Variants in BMP8A observed in about 807,000 individuals in gnomAD.
BMP8A encodes bone morphogenetic protein 8a, also known as BMP-8A.
In BMP8A, 14 loss-of-function variants were observed where a neutral mutation model predicts 36.8. The ratio of observed to expected loss-of-function variants is 0.38; its 90% CI spans 0.25 to 0.60. The LOEUF is 0.60. Ranked by LOEUF, BMP8A falls within the 20% of genes least tolerant of loss-of-function variation. BMP8A has a pLI of 0.63. For missense variants in BMP8A, 267 were observed against 551.1 expected, an observed-to-expected ratio of 0.48 and a Z score of 5.16; for synonymous variants, 120 against 237.7, an observed-to-expected ratio of 0.50 and a Z score of 4.55.
intron 3 of BMP8A, chr1:39,515,772 T>A: frequency 2.5e-6 from 4 of 1,592,466 alleles, no homozygotes; most frequent in Non-Finnish European, 3.4e-6. Context: ...GAGAAACGAA[T>A]TGAGCGCTTA....
chr1:39,510,879 C>T (rs1392942806), intron 1 of BMP8A, among the ~76,000 whole-genome samples: 1 of 152,206 alleles, frequency 6.6e-6, no homozygotes, highest in Non-Finnish European at 1.5e-5. Context: ...CAGGACCAGC[C>T]GGGCCAAGAA....
At chr1:39,501,730 T>C (rs1299252900) in intron 1 of BMP8A, among the ~76,000 whole-genome samples, 2 of 152,136 alleles carry the variant, frequency 1.3e-5, no homozygotes, top group Non-Finnish European at 2.9e-5. Flanking sequence ...CCCAAAGTGA[T>C]GGGGTTACAG....
rs540229016 is a variant in BMP8A at position 39,494,357 on chromosome 1, T to C, written c.334+2032T>C. Among the ~76,000 whole-genome samples the C allele has an allele frequency of 3.0e-3, 453 of 151,416 alleles. 1 individual carries two copies. The highest frequency in any genetic ancestry group is 5.0e-3 in the Non-Finnish European group (339 of 67,826). ...TTCTTTCTTTTTTCTTTTTTCTTTTTTTTTTTTTTAAGAGGCAGGGTTTCA... is the reference window on the plus strand; with the variant it reads ...TTCTTTCTTTTTTCTTTTTTCTTTTCTTTTTTTTTAAGAGGCAGGGTTTCA... On this transcript the variant is annotated intron_variant, in intron 1 of 6. Coordinates refer to ENST00000331593, the MANE Select transcript of BMP8A (RefSeq NM_181809.4).
chr1:39,516,063 T>C, intron 3 of BMP8A: 1 of 877,146 alleles, frequency 1.1e-6, no homozygotes, highest in Non-Finnish European at 1.7e-6. Context: ...GGGGGCTGCT[T>C]CTTCGCCAGC....
intron 6 of BMP8A, among the ~76,000 whole-genome samples, 174 bp downstream of exon 6, chr1:39,523,291 C>T (rs1645448423): frequency 6.6e-6 from 1 of 152,194 alleles, no homozygotes; most frequent in Admixed American, 6.5e-5. Flanking sequence ...AACTGGTCCT[C>T]ATACAGCCAC....
At chr1:39,497,446 TG>T (rs1645215111) in intron 1 of BMP8A, among the ~76,000 whole-genome samples, 1 of 152,162 alleles carries the variant, frequency 6.6e-6, no homozygotes, top group Admixed American at 6.5e-5. Flanking sequence ...TCTGCACCAT[TG>T]CTCGTTGGGT....
chr1:39,522,756 T>G (rs1645440609), intron 5 of BMP8A, among the ~76,000 whole-genome samples: 1 of 151,674 alleles, frequency 6.6e-6, no homozygotes, highest in Non-Finnish European at 1.5e-5. Flanking sequence ...CTCCCTGCAT[T>G]GGCTACGACT....
chr1:39,492,367 G>T (rs755451693), intron 1 of BMP8A, 42 bp downstream of exon 1: 82 of 1,480,652 alleles, frequency 5.5e-5, no homozygotes, highest in Non-Finnish European at 6.8e-5. Flanking sequence ...GAGTAAGCTG[G>T]CTGCAGGGGA....
chr1:39,526,063 C>G lies in BMP8A; in HGVS notation c.*265C>G, dbSNP rs1570321297. On this transcript the variant is annotated 3_prime_UTR_variant, in exon 7 of 7. Transcript: ENST00000331593. ...CTGTGCTGACTGCACTGTCTGGAGT[C>G]AGCACAGAAGTCCTATCTTAGGACC... The G allele has an allele frequency of 3.2e-5, 12 of 379,494 alleles. No homozygotes were observed. The highest frequency in any genetic ancestry group is 7.6e-4 in the Middle Eastern group (1 of 1,312). The allele number at this position is 379,494 out of a possible 1,614,324, so 23.5% of individuals were successfully genotyped here.
intron 1 of BMP8A, among the ~76,000 whole-genome samples, chr1:39,509,026 G>T (rs1482235425): frequency 6.6e-6 from 1 of 152,144 alleles, no homozygotes; most frequent in Non-Finnish European, 1.5e-5. Flanking sequence ...GCCACAGCAC[G>T]GGCGTCCCCA....
intron 3 of BMP8A, chr1:39,516,106 C>T: frequency 1.5e-6 from 1 of 671,390 alleles, no homozygotes; most frequent in African/African-American, 2.4e-5. Flanking sequence ...GAGGGGGACA[C>T]ATCCAACTAA....
chr1:39,508,083 C>T (rs1390166985), intron 1 of BMP8A, among the ~76,000 whole-genome samples: 9 of 152,124 alleles, frequency 5.9e-5, no homozygotes, highest in Non-Finnish European at 1.0e-4. Flanking sequence ...AACCCTGTCT[C>T]TACTAAAAAT....
At chr1:39,523,626 G>T in intron 6 of BMP8A, 3 of 1,442,434 alleles carry the variant, frequency 2.1e-6, no homozygotes, top group South Asian at 1.4e-5. Context: ...GCTTTTTCCC[G>T]CAGTTTCTCT....
chr1:39,494,014 C>T (rs942117585), intron 1 of BMP8A, among the ~76,000 whole-genome samples: 4 of 152,244 alleles, frequency 2.6e-5, no homozygotes, highest in African/African-American at 4.8e-5. Context: ...AGTTCCTCAC[C>T]TTCTCAGCCT....
intron 6 of BMP8A, chr1:39,523,581 G>A (rs560340917): frequency 1.4e-6 from 2 of 1,405,820 alleles, no homozygotes; most frequent in Non-Finnish European, 1.9e-6. Flanking sequence ...ACCACAGGCA[G>A]GAAGCTTCTA....
intron 1 of BMP8A, among the ~76,000 whole-genome samples, chr1:39,507,857 G>A (rs1645314976): frequency 6.6e-6 from 1 of 152,206 alleles, no homozygotes; most frequent in Non-Finnish European, 1.5e-5. Context: ...TGGACACTGA[G>A]CCCAGAAGGT....
intron 5 of BMP8A, 142 bp downstream of exon 5, chr1:39,522,624 T>G: frequency 7.9e-7 from 1 of 1,266,522 alleles, no homozygotes; most frequent in Non-Finnish European, 1.1e-6. Context: ...TTTTCTAAAG[T>G]GAGAATATGG....
At chr1:39,517,491 T>G (rs1043855532) in intron 3 of BMP8A, among the ~76,000 whole-genome samples, 33 of 151,758 alleles carry the variant, frequency 2.2e-4, no homozygotes, top group Admixed American at 3.9e-4. Context: ...AATTTTTGTA[T>G]ATATATTTTT....
At chr1:39,498,409 G>C (rs1451236921) in intron 1 of BMP8A, among the ~76,000 whole-genome samples, 2 of 152,174 alleles carry the variant, frequency 1.3e-5, no homozygotes, top group Non-Finnish European at 2.9e-5. Flanking sequence ...ACATCTCCTG[G>C]GATCTATTCT....
Sources: allele counts gnomAD v4.1 joint callset (sites outside exome capture counted in the v4.1 genomes callset), GRCh38; gene constraint gnomAD v4.1.1; transcripts MANE v1.5; gene names NCBI Gene and HGNC (gene_info 2026-07-23, HGNC 2026-07-21).